L3MBTL4: variants seen among roughly 807,000 people sequenced by gnomAD.
L3MBTL4 encodes the protein L3MBTL histone methyl-lysine binding protein 4, also known as lethal(3)malignant brain tumor-like protein 4.
In L3MBTL4, 70 loss-of-function variants were observed where a neutral mutation model predicts 84.5. The observed-to-expected ratio is 0.83, with a 90% confidence interval of 0.68 to 1.01. The LOEUF (loss-of-function observed/expected upper bound fraction) is 1.01. Among genes scored for constraint, L3MBTL4 ranks in the 50% least tolerant of loss-of-function variants. L3MBTL4 has a pLI of 0.00. For missense variants in L3MBTL4, 715 were observed against 754.8 expected, an observed-to-expected ratio of 0.95 and a Z score of 0.62; for synonymous variants, 274 against 259.8, an observed-to-expected ratio of 1.05 and a Z score of -0.52.
chr18:6,008,004 A>G (rs968686837), intron 16 of L3MBTL4, among the ~76,000 whole-genome samples: 1 of 152,224 alleles, frequency 6.6e-6, no homozygotes, highest in Non-Finnish European at 1.5e-5. Context: ...CTATTCAAAA[A>G]TCAAATTAAA....
At chr18:6,141,586 G>C (rs893559559) in intron 13 of L3MBTL4, among the ~76,000 whole-genome samples, 12 of 152,060 alleles carry the variant, frequency 7.9e-5, no homozygotes, top group African/African-American at 2.4e-4. Flanking sequence ...CTGGATCCTT[G>C]ACATCATTTC....
At chr18:6,130,606 T>TG in intron 14 of L3MBTL4, among the ~76,000 whole-genome samples, 1 of 152,164 alleles carries the variant, frequency 6.6e-6, no homozygotes, top group Non-Finnish European at 1.5e-5. Flanking sequence ...AATATAATTA[T>TG]TGGTTCTTCA....
chr18:6,372,290 A>G (rs373843344), intron 1 of L3MBTL4, among the ~76,000 whole-genome samples: 1 of 152,158 alleles, frequency 6.6e-6, no homozygotes, highest in East Asian at 1.9e-4. Flanking sequence ...AAGCTGCCCT[A>G]TGGGGATGTG....
At chr18:6,182,906 C>G (rs1039030095) in intron 12 of L3MBTL4, among the ~76,000 whole-genome samples, 2 of 152,164 alleles carry the variant, frequency 1.3e-5, no homozygotes, top group African/African-American at 4.8e-5. Flanking sequence ...TTTAAATAGT[C>G]AGAAACCATT....
chr18:6,167,017 TA>T lies in L3MBTL4; in HGVS notation c.1096+4810del, dbSNP rs562385828. ...GATATCACCACCGATCCCACAGAAA[TA>T]CAAACTACCATCAGAAAATACTATA... On this transcript the variant is annotated intron_variant, in intron 13 of 18. Coordinates refer to ENST00000317931, the MANE Select transcript of L3MBTL4 (RefSeq NM_001330559.2). Among the ~76,000 whole-genome samples, 71 of 152,200 alleles carry T rather than the reference TA, an allele frequency of 4.7e-4. 1 individual carries two copies. The highest frequency in any genetic ancestry group is 3.5e-3 in the South Asian group (17 of 4,824).
intron 4 of L3MBTL4, among the ~76,000 whole-genome samples, chr18:6,266,927 AAAAAT>A (rs1471377605): frequency 1.3e-5 from 2 of 151,800 alleles, no homozygotes; most frequent in African/African-American, 4.8e-5. Context: ...CGTCTCAGAA[AAAAAT>A]AAAATAATAA....
At chr18:6,108,821 A>G (rs946725567) in intron 14 of L3MBTL4, among the ~76,000 whole-genome samples, 4 of 152,214 alleles carry the variant, frequency 2.6e-5, no homozygotes, top group African/African-American at 7.2e-5. Flanking sequence ...ACACAAAAAA[A>G]CAAATATAGT....
intron 16 of L3MBTL4, among the ~76,000 whole-genome samples, chr18:6,033,072 G>A (rs975496487): frequency 2.6e-5 from 4 of 152,082 alleles, no homozygotes; most frequent in Non-Finnish European, 5.9e-5. Context: ...CCTTATGTAT[G>A]TGTGATTTTT....
At chr18:6,065,141 T>C (rs2057358410) in intron 16 of L3MBTL4, among the ~76,000 whole-genome samples, 1 of 152,102 alleles carries the variant, frequency 6.6e-6, no homozygotes, top group Non-Finnish European at 1.5e-5. Context: ...ATCTATATGA[T>C]GTATCACATC....
At chr18:6,207,090 G>A (rs2045907130) in intron 12 of L3MBTL4, among the ~76,000 whole-genome samples, 1 of 152,120 alleles carries the variant, frequency 6.6e-6, no homozygotes, top group Non-Finnish European at 1.5e-5. Flanking sequence ...TGAATGGCTG[G>A]GGAGAAAGTC....
At chr18:6,085,890 T>G (rs61274039) in intron 15 of L3MBTL4, among the ~76,000 whole-genome samples, 1,986 of 152,330 alleles carry the variant, frequency 0.013, 47 homozygotes, top group African/African-American at 0.046. Flanking sequence ...GACCTAAGCA[T>G]GCAGCATCAG....
chr18:6,011,671 T>C (rs577385211), intron 16 of L3MBTL4, among the ~76,000 whole-genome samples: 1 of 152,290 alleles, frequency 6.6e-6, no homozygotes, highest in African/African-American at 2.4e-5. Context: ...CTTCGGTGCC[T>C]CTCCACTCCT....
intron 16 of L3MBTL4, among the ~76,000 whole-genome samples, chr18:6,006,776 G>A (rs1196632631): frequency 6.6e-6 from 1 of 152,140 alleles, no homozygotes; most frequent in African/African-American, 2.4e-5. Context: ...GAGCAGAATA[G>A]GAAGTTCACA....
intron 1 of L3MBTL4, among the ~76,000 whole-genome samples, chr18:6,345,076 T>C (rs1309603149): frequency 2.0e-5 from 3 of 151,488 alleles, no homozygotes; most frequent in Non-Finnish European, 4.4e-5. Context: ...GTCTTATATA[T>C]AGAAAACCAT....
At chr18:6,250,027 G>C (rs1021124891) in intron 5 of L3MBTL4, among the ~76,000 whole-genome samples, 1 of 152,320 alleles carries the variant, frequency 6.6e-6, no homozygotes, top group African/African-American at 2.4e-5. Context: ...ACGAAACCTG[G>C]CTAGAGGCCA....
chr18:6,296,652 G>T (rs1347029969), intron 4 of L3MBTL4, among the ~76,000 whole-genome samples: 2 of 152,150 alleles, frequency 1.3e-5, no homozygotes. Flanking sequence ...GGTCCTGGTG[G>T]CAGGTGACAA....
At chr18:6,300,206 C>T (rs1250994029) in intron 4 of L3MBTL4, among the ~76,000 whole-genome samples, 1 of 152,122 alleles carries the variant, frequency 6.6e-6, no homozygotes, top group Non-Finnish European at 1.5e-5. Flanking sequence ...TTCCTTTGTC[C>T]TACTAAAAAT....
chr18:6,004,996 A>ATTTT (rs1567973105), intron 16 of L3MBTL4, among the ~76,000 whole-genome samples: 11 of 42,000 alleles, frequency 2.6e-4, no homozygotes, highest in African/African-American at 5.6e-4. Context: ...TTAAGATGAT[A>ATTTT]ATTTTTTTTT....
intron 16 of L3MBTL4, among the ~76,000 whole-genome samples, chr18:5,982,632 G>T (rs1012545631): frequency 6.6e-6 from 1 of 152,158 alleles, no homozygotes; most frequent in Admixed American, 6.5e-5. Context: ...ATTGAGAAAC[G>T]TGCTATAAAT....
Sources: gnomAD v4.1 joint callset for allele counts (sites outside exome capture counted in the v4.1 genomes callset) on GRCh38, gnomAD v4.1.1 for gene constraint, MANE v1.5 for transcripts, NCBI Gene and HGNC (gene_info 2026-07-23, HGNC 2026-07-21) for gene names.